The following TRHDE variants were observed in gnomAD, a reference collection of about 807,000 sequenced individuals.
TRHDE encodes thyrotropin-releasing hormone-degrading ectoenzyme.
A neutral mutation model predicts 125.7 loss-of-function variants in TRHDE; 72 were observed. The observed-to-expected ratio is 0.57, with a 90% CI of 0.47 to 0.70. The LOEUF (loss-of-function observed/expected upper bound fraction) is 0.70, where lower values mean the gene tolerates loss of function less well. TRHDE is among the 30% of genes least tolerant of loss of function. The probability of loss-of-function intolerance (pLI) is 0.00; values close to 1 mark genes in which losing one functional copy is unlikely to be tolerated. For missense variants in TRHDE, 1,110 were observed against 1,327.1 expected (o/e 0.84, Z 2.54); for synonymous variants, 509 against 509.1 (o/e 1.00, Z 0.00).
chr12:72,571,864 A>AG (rs1870748349), intron 10 of TRHDE, among the ~76,000 whole-genome samples: 1 of 152,060 alleles, frequency 6.6e-6, no homozygotes, highest in African/African-American at 2.4e-5. Flanking sequence ...TTTACAAATG[A>AG]GGAAATTAAG....
intron 3 of TRHDE, among the ~76,000 whole-genome samples, chr12:72,443,966 A>G (rs148336666): frequency 1.3e-5 from 2 of 151,934 alleles, no homozygotes; most frequent in African/African-American, 4.8e-5. Flanking sequence ...CTGACTGGTA[A>G]TTTTGCCAAA....
chr12:72,402,190 C>T (rs1227538482), intron 3 of TRHDE, among the ~76,000 whole-genome samples: 1 of 151,904 alleles, frequency 6.6e-6, no homozygotes, highest in Admixed American at 6.6e-5. Flanking sequence ...AATCTTTTGG[C>T]TTCCCTGGGC....
At chr12:72,649,378 A>G (rs546687569) in intron 15 of TRHDE, among the ~76,000 whole-genome samples, 1 of 152,224 alleles carries the variant, frequency 6.6e-6, no homozygotes, top group South Asian at 2.1e-4. Context: ...CCTTTGTTTT[A>G]TATACCGTAC....
chr12:72,595,425 T>C (rs1379743381), intron 12 of TRHDE, among the ~76,000 whole-genome samples: 6 of 152,056 alleles, frequency 3.9e-5, no homozygotes, highest in Non-Finnish European at 8.8e-5. Flanking sequence ...TTGAGACAAA[T>C]TGTCAAGTTG....
chr12:72,578,381 A>C (rs1871096579), intron 12 of TRHDE, among the ~76,000 whole-genome samples: 1 of 152,154 alleles, frequency 6.6e-6, no homozygotes, highest in Non-Finnish European at 1.5e-5. Flanking sequence ...CTCAAGTAAG[A>C]GTGACTTCGC....
At chr12:72,199,077 C>T (rs1226334548) in intron 2 of TRHDE, among the ~76,000 whole-genome samples, 1 of 152,128 alleles carries the variant, frequency 6.6e-6, no homozygotes, top group East Asian at 1.9e-4. Context: ...CTAATCATCT[C>T]CCACCAGGTC....
intron 2 of TRHDE, among the ~76,000 whole-genome samples, chr12:72,143,347 A>G (rs772251645): frequency 1.3e-5 from 2 of 152,168 alleles, no homozygotes; most frequent in African/African-American, 4.8e-5. Flanking sequence ...TAGAGTTTCA[A>G]TGGCAATTAG....
chr12:72,193,483 G>C (rs1877378989), intron 2 of TRHDE, among the ~76,000 whole-genome samples: 1 of 152,100 alleles, frequency 6.6e-6, no homozygotes, highest in South Asian at 2.1e-4. Flanking sequence ...TCTTATGAAA[G>C]AAAATGGAGC....
chr12:72,361,475 A>T (rs1473881748), intron 2 of TRHDE, among the ~76,000 whole-genome samples: 2 of 151,854 alleles, frequency 1.3e-5, no homozygotes, highest in Non-Finnish European at 2.9e-5. Flanking sequence ...AAATATCAAC[A>T]TTAAATCTGT....
chr12:72,448,428 T>C (rs188205511), intron 3 of TRHDE, among the ~76,000 whole-genome samples: 45 of 152,178 alleles, frequency 3.0e-4, no homozygotes, highest in Admixed American at 8.5e-4. Context: ...AAAAACATAC[T>C]ATGTAACAAT....
chr12:72,292,262 C>A (rs187601167), intron 2 of TRHDE, among the ~76,000 whole-genome samples: 1 of 152,170 alleles, frequency 6.6e-6, no homozygotes, highest in Non-Finnish European at 1.5e-5. Flanking sequence ...ATCCTTAGAC[C>A]ATTTTTGTCC....
Position 72,475,786 on chromosome 12 carries a change from C to T in TRHDE, c.1584+2606C>T, listed in dbSNP as rs545685553. Among the ~76,000 whole-genome samples, 66 of 152,206 alleles carry T rather than the reference C, an allele frequency of 4.3e-4. No homozygotes were observed. The South Asian group carries it at 0.012, about 28-fold the overall frequency. On this transcript the variant is annotated intron_variant, in intron 5 of 18. Transcript: ENST00000261180. The stretch of plus-strand genomic sequence containing the variant: ...ATAATTAAGAAATGAAAACTAACAA[C>T]AGAATAATTACGGTGTCACAGAAAA...
intron 6 of TRHDE, among the ~76,000 whole-genome samples, chr12:72,521,199 C>T (rs74103377): frequency 0.014 from 2,090 of 152,280 alleles, 48 homozygotes; most frequent in African/African-American, 0.048. Context: ...AAATAACTTT[C>T]AGATGCAATT....
chr12:72,656,809 G>A, intron 17 of TRHDE, 118 bp from the exon 18 acceptor site: 2 of 681,924 alleles, frequency 2.9e-6, no homozygotes, highest in Non-Finnish European at 5.2e-6. Flanking sequence ...CAGAGATCTG[G>A]CAGTCTCTGA....
intron 2 of TRHDE, among the ~76,000 whole-genome samples, chr12:72,107,442 G>A (rs867273869): frequency 6.6e-6 from 1 of 152,208 alleles, no homozygotes; most frequent in Non-Finnish European, 1.5e-5. Flanking sequence ...ATATTTAGGA[G>A]CACACAAAGT....
At chr12:72,633,337 T>G (rs1407345967) in intron 15 of TRHDE, among the ~76,000 whole-genome samples, 5 of 152,240 alleles carry the variant, frequency 3.3e-5, no homozygotes, top group Admixed American at 6.6e-5. Flanking sequence ...TAAGAAGTAC[T>G]GAATATCATT....
At position 72,210,793 on chromosome 12, in the gene TRHDE, A is replaced by T. The variant is rs531233427; in HGVS notation, n.279+105041A>T. 3.0e-3 allele frequency among the ~76,000 whole-genome samples: 457 copies of T among 152,354 alleles called. 2 individuals are homozygous for T. The highest frequency in any genetic ancestry group is 0.01 in the African/African-American group (426 of 41,578). The stretch of plus-strand genomic sequence containing the variant: ...ATAGTCAAAACAACCAAAGGTAGAG[A>T]TAATCTTAATGGTTGAGAGTTGACA... On this transcript the variant is annotated intron_variant and non_coding_transcript_variant, in intron 2 of 4. Coordinates refer to the TRHDE transcript ENST00000548156.
intron 2 of TRHDE, among the ~76,000 whole-genome samples, chr12:72,237,554 G>A (rs1878358332): frequency 6.6e-6 from 1 of 152,100 alleles, no homozygotes; most frequent in African/African-American, 2.4e-5. Flanking sequence ...AAAGGACTCG[G>A]TTTCCCCCAT....
At chr12:72,360,535 C>G (rs377636926) in intron 2 of TRHDE, among the ~76,000 whole-genome samples, 1 of 151,670 alleles carries the variant, frequency 6.6e-6, no homozygotes, top group Non-Finnish European at 1.5e-5. Context: ...TACAACTAAC[C>G]GTGGAACACT....
Sources: allele counts gnomAD v4.1 joint callset (sites outside exome capture counted in the v4.1 genomes callset), GRCh38; gene constraint gnomAD v4.1.1; transcripts MANE v1.5; gene names NCBI Gene and HGNC (gene_info 2026-07-23, HGNC 2026-07-21).